Variants in FRMD3 observed in about 807,000 individuals in gnomAD.
FRMD3 encodes FERM domain containing 3, also known as FERM domain-containing protein 3.
Under a neutral mutation model 70.2 loss-of-function variants are expected in FRMD3, and 33 were observed. That is an observed-to-expected ratio of 0.47 (90% CI 0.36 to 0.63). FRMD3 has a LOEUF of 0.63. Ranked by LOEUF, FRMD3 falls within the 20% of genes least tolerant of loss-of-function variation. The pLI is 0.00. For missense variants in FRMD3, 632 were observed against 711.4 expected (o/e 0.89, Z 1.27); for synonymous variants, 279 against 255.9 (o/e 1.09, Z -0.86).
chr9:83,388,672 G>C (rs907276964), intron 2 of FRMD3, among the ~76,000 whole-genome samples: 4 of 152,154 alleles, frequency 2.6e-5, no homozygotes, highest in African/African-American at 9.7e-5. Flanking sequence ...TACCAAAAAG[G>C]GTAGGTGTCT....
the FRMD3 span, among the ~76,000 whole-genome samples, chr9:83,576,610 C>T: frequency 6.6e-6 from 1 of 152,086 alleles, no homozygotes; most frequent in Admixed American, 6.5e-5. Context: ...TATCCTCCAA[C>T]AGGCCCAAGT....
chr9:83,520,597 C>G (rs1041877375), intron 1 of FRMD3, among the ~76,000 whole-genome samples: 12 of 152,192 alleles, frequency 7.9e-5, no homozygotes, highest in Non-Finnish European at 1.6e-4. Context: ...ATACCAGTCA[C>G]ATTGCAAGGG....
chr9:83,459,741 T>C (rs1193241424), intron 1 of FRMD3, among the ~76,000 whole-genome samples: 1 of 152,162 alleles, frequency 6.6e-6, no homozygotes, highest in African/African-American at 2.4e-5. Flanking sequence ...CATGCATCCG[T>C]CTTAGTCGGC....
chr9:83,257,750 G>A (rs565735587), intron 13 of FRMD3, among the ~76,000 whole-genome samples: 128 of 152,004 alleles, frequency 8.4e-4, no homozygotes, highest in African/African-American at 2.9e-3. Context: ...ATCCACATCT[G>A]AGAAGCCTCC....
At chr9:83,356,987 T>C (rs1824367065) in intron 3 of FRMD3, among the ~76,000 whole-genome samples, 1 of 151,454 alleles carries the variant, frequency 6.6e-6, no homozygotes, top group Non-Finnish European at 1.5e-5. Context: ...AGTGATAACA[T>C]GCGATGTTTG....
At chr9:83,398,904 G>C (rs1358369518) in intron 1 of FRMD3, among the ~76,000 whole-genome samples, 2 of 152,082 alleles carry the variant, frequency 1.3e-5, no homozygotes. Flanking sequence ...AAAATCAATA[G>C]TTGCCTGAAA....
chr9:83,432,975 T>C (rs1322293868), intron 1 of FRMD3, among the ~76,000 whole-genome samples: 1 of 152,196 alleles, frequency 6.6e-6, no homozygotes, highest in African/African-American at 2.4e-5. Context: ...CACTTATAAG[T>C]GAGAACTAGG....
intron 1 of FRMD3, among the ~76,000 whole-genome samples, chr9:83,502,765 GC>G (rs1211199845): frequency 6.6e-6 from 1 of 152,132 alleles, no homozygotes; most frequent in African/African-American, 2.4e-5. Context: ...TTAATGAGAA[GC>G]TTTAATGATC....
the FRMD3 span, among the ~76,000 whole-genome samples, chr9:83,578,035 T>C: frequency 6.6e-6 from 1 of 151,784 alleles, no homozygotes; most frequent in African/African-American, 2.4e-5. Context: ...CAAAGAAAAT[T>C]ACTGTGAACA....
At chr9:83,441,662 A>T (rs982792852) in intron 1 of FRMD3, among the ~76,000 whole-genome samples, 1 of 152,182 alleles carries the variant, frequency 6.6e-6, no homozygotes, top group Non-Finnish European at 1.5e-5. Context: ...TAGTGGAAAA[A>T]AGCCTCATTG....
In FRMD3 at chr9:83,537,995, G is replaced by C; in HGVS notation, c.147+90C>G. 7.0e-7 allele frequency: 1 copy of C among 1,426,094 alleles called. No individual in the cohort carries two copies. The highest frequency in any genetic ancestry group is 9.7e-7 in the Non-Finnish European group (1 of 1,035,670). The allele number at this position is 1,426,094 out of a possible 1,614,324, so 88.3% of individuals were successfully genotyped here. On this transcript the variant is annotated intron_variant, in intron 1 of 13. Coordinates refer to ENST00000304195, the MANE Select transcript of FRMD3 (RefSeq NM_174938.6). This position sits in a 1 kb window ranked among gnomAD's most constrained non-coding sequence, Gnocchi z 4.1. ...AGCAGTCCCCCAATCCCCTCCGGGA[G>C]TGGGTTCCTTGTTCTCGCATGCCCA...
At chr9:83,559,969 T>C in the FRMD3 span, among the ~76,000 whole-genome samples, 1 of 152,184 alleles carries the variant, frequency 6.6e-6, no homozygotes, top group African/African-American at 2.4e-5. Flanking sequence ...CTAAGTCCCA[T>C]GCTGATGGCC....
At chr9:83,483,838 T>A (rs1828625730) in intron 1 of FRMD3, among the ~76,000 whole-genome samples, 1 of 152,154 alleles carries the variant, frequency 6.6e-6, no homozygotes, top group Non-Finnish European at 1.5e-5. Flanking sequence ...CCAGCCTGGG[T>A]GACAGAGCAA....
In FRMD3 at chr9:83,280,896, CA is replaced by C. The variant is rs77316178; in HGVS notation, c.1195+9706del. Among the ~76,000 whole-genome samples, 1,229 of 152,256 alleles carry C rather than the reference CA, an allele frequency of 8.1e-3. 53 individuals are homozygous for C. In the East Asian group the frequency reaches 0.13, roughly 17 times the overall value. Reference sequence around the variant, plus strand: ...CTAGGACCTCCAATTCACCATCTGCCAAACCAGGAAGGAGACTGCACTCCTC... The same window carrying C: ...CTAGGACCTCCAATTCACCATCTGCCAACCAGGAAGGAGACTGCACTCCTC... On this transcript the variant is annotated intron_variant, in intron 13 of 13. Transcript: ENST00000304195.
intron 1 of FRMD3, among the ~76,000 whole-genome samples, chr9:83,517,609 A>G (rs7869714): frequency 0.97 from 146,907 of 151,972 alleles, 71,046 homozygotes; most frequent in East Asian, 1. Flanking sequence ...ACAAGCAATA[A>G]AAAAAGAGGG....
intron 3 of FRMD3, among the ~76,000 whole-genome samples, chr9:83,370,260 AAT>A (rs1257915418): frequency 1.3e-5 from 2 of 152,242 alleles, no homozygotes; most frequent in Non-Finnish European, 2.9e-5. Flanking sequence ...CTGGATTAAC[AAT>A]ATAAAAGCCA....
downstream of FRMD3, chr9:83,244,560 A>T (rs2118439012): frequency 2.1e-6 from 1 of 481,114 alleles, no homozygotes; most frequent in Non-Finnish European, 2.7e-6. Context: ...GAATCCTTTT[A>T]TAGTTTCCAA....
At chr9:83,510,079 A>C (rs763183505) in intron 1 of FRMD3, among the ~76,000 whole-genome samples, 1 of 152,214 alleles carries the variant, frequency 6.6e-6, no homozygotes, top group Non-Finnish European at 1.5e-5. Context: ...GAAGGTGTGA[A>C]GTTCGGGGCA....
intron 1 of FRMD3, among the ~76,000 whole-genome samples, chr9:83,519,018 A>G (rs1829513561): frequency 6.6e-6 from 1 of 152,250 alleles, no homozygotes; most frequent in African/African-American, 2.4e-5. Flanking sequence ...TTTAAATGTA[A>G]GCCCTAAAAC....
Sources: allele counts gnomAD v4.1 joint callset (sites outside exome capture counted in the v4.1 genomes callset), GRCh38; gene constraint gnomAD v4.1.1; non-coding constraint Gnocchi (gnomAD v3.1); transcripts MANE v1.5; gene names NCBI Gene and HGNC (gene_info 2026-07-23, HGNC 2026-07-21).